Variants in KPNA7 observed in about 807,000 individuals in gnomAD.
KPNA7 encodes karyopherin subunit alpha 7.
In KPNA7, 54 loss-of-function variants were observed where a neutral mutation model predicts 53.7. The ratio of observed to expected loss-of-function variants is 1.01; its 90% CI spans 0.81 to 1.26. The LOEUF (loss-of-function observed/expected upper bound fraction) is 1.26. Ranked by LOEUF, KPNA7 falls within the 50% of genes most tolerant of loss-of-function variation. KPNA7 has a pLI of 0.00. For synonymous variants in KPNA7, 276 were observed against 259.3 expected (o/e 1.06, Z -0.62); for missense variants, 640 against 644.5 (o/e 0.99, Z 0.07).
the KPNA7 span, among the ~76,000 whole-genome samples, chr7:99,162,454 C>T: frequency 1.3e-5 from 2 of 152,160 alleles, no homozygotes; most frequent in Non-Finnish European, 2.9e-5. Context: ...TTCACACCTT[C>T]CTTCCTCTTT....
At position 99,202,845 on chromosome 7, in the gene KPNA7, AAAAAAT is replaced by A. The variant is rs762614911; in HGVS notation, c.201+255_201+260del. ...TGGGTGACAGAGTGAGACCTGTCTC[AAAAAAT>A]AAAAATAAAAAGTATAATAAAAATC... On this transcript the variant is annotated intron_variant, in intron 3 of 10. Coordinates refer to ENST00000327442, the MANE Select transcript of KPNA7 (RefSeq NM_001145715.3). Among the ~76,000 whole-genome samples the A allele has an allele frequency of 4.6e-5, 7 of 151,756 alleles. No individual in the cohort carries two copies. The East Asian group carries it at 5.8e-4, about 13-fold the overall frequency.
chr7:99,218,065 T>G (rs1791257761), intron 1 of KPNA7, among the ~76,000 whole-genome samples: 2 of 152,096 alleles, frequency 1.3e-5, no homozygotes, highest in Admixed American at 6.6e-5. Context: ...GTTGAAGTGA[T>G]CTCGGCTCAC....
chr7:99,178,231 A>T (rs1798995009), intron 9 of KPNA7, among the ~76,000 whole-genome samples, 165 bp from the exon 10 acceptor site: 1 of 152,136 alleles, frequency 6.6e-6, no homozygotes, highest in Non-Finnish European at 1.5e-5. Flanking sequence ...TGAAAATTAC[A>T]TGATCTTCCT....
intron 9 of KPNA7, among the ~76,000 whole-genome samples, chr7:99,179,732 G>A (rs1158558359): frequency 7.0e-6 from 1 of 143,164 alleles, no homozygotes; most frequent in Non-Finnish European, 1.6e-5. Flanking sequence ...TTACAGGCAT[G>A]AGCCACCATG....
the KPNA7 span, among the ~76,000 whole-genome samples, chr7:99,156,338 C>G: frequency 6.6e-6 from 1 of 152,150 alleles, no homozygotes; most frequent in Non-Finnish European, 1.5e-5. Flanking sequence ...AAAGAGAAAT[C>G]TGATGCCAGT....
chr7:99,218,602 C>A (rs1791270094), intron 1 of KPNA7, among the ~76,000 whole-genome samples: 1 of 152,204 alleles, frequency 6.6e-6, no homozygotes, highest in Non-Finnish European at 1.5e-5. Flanking sequence ...CAGACCCCTG[C>A]ACCTACCACT....
chr7:99,165,297 C>G, the KPNA7 span, among the ~76,000 whole-genome samples: 1 of 95,076 alleles, frequency 1.1e-5, no homozygotes, highest in Non-Finnish European at 2.4e-5. Context: ...GAGGCCTTGC[C>G]TTTTTAAAAA....
chr7:99,146,873 A>G, the KPNA7 span, among the ~76,000 whole-genome samples: 3 of 152,122 alleles, frequency 2.0e-5, no homozygotes, highest in Admixed American at 6.6e-5. Flanking sequence ...CACAAAGCCT[A>G]TTTTACGATA....
chr7:99,199,073 A>T (rs200600684), intron 3 of KPNA7, among the ~76,000 whole-genome samples: 10,568 of 148,058 alleles, frequency 0.071, 488 homozygotes, highest in South Asian at 0.13. Context: ...CTGAAAAAAA[A>T]AAAAAAAAAA....
intron 3 of KPNA7, among the ~76,000 whole-genome samples, chr7:99,199,598 G>A (rs900582394): frequency 1.3e-5 from 2 of 151,956 alleles, no homozygotes; most frequent in East Asian, 1.9e-4. Context: ...AACTCCAAAC[G>A]GCTCAAAGGC....
intron 9 of KPNA7, among the ~76,000 whole-genome samples, chr7:99,179,063 C>CA (rs1799044877): frequency 6.6e-6 from 1 of 152,092 alleles, no homozygotes. Context: ...AAGCATGAGC[C>CA]AATGCACTTG....
the KPNA7 span, among the ~76,000 whole-genome samples, chr7:99,161,268 T>TCTCTCTCTCTCTCTCCCC: frequency 2.8e-4 from 34 of 123,082 alleles, no homozygotes; most frequent in African/African-American, 1.1e-3. Flanking sequence ...TCTCTCTCTC[T>TCTCTCTCTCTCTCTCCCC]CTGATCACTT....
At chr7:99,213,589 ACAAGCTACCACACTT>A (rs1425522184) in intron 1 of KPNA7, among the ~76,000 whole-genome samples, 2 of 151,958 alleles carry the variant, frequency 1.3e-5, no homozygotes, top group African/African-American at 4.8e-5. Context: ...GACCACAGGA[ACAAGCTACCACACTT>A]CACTAATTTT....
downstream of KPNA7, among the ~76,000 whole-genome samples, chr7:99,171,475 T>A (rs1361828858): frequency 6.6e-6 from 1 of 152,142 alleles, no homozygotes; most frequent in East Asian, 1.9e-4. Flanking sequence ...GGGGTCTCAC[T>A]TCATAGCCCA....
At chr7:99,164,828 T>G in the KPNA7 span, among the ~76,000 whole-genome samples, 11 of 152,142 alleles carry the variant, frequency 7.2e-5, no homozygotes, top group Non-Finnish European at 1.6e-4. Flanking sequence ...CCGGGTGTGG[T>G]GGCTCACGCC....
chr7:99,165,782 A>G, the KPNA7 span, among the ~76,000 whole-genome samples: 103,590 of 152,048 alleles, frequency 0.68, 36,244 homozygotes, highest in East Asian at 0.9. Flanking sequence ...TCCAGGCTGG[A>G]CTTGAACTCC....
chr7:99,199,685 T>C (rs916657304), intron 3 of KPNA7, among the ~76,000 whole-genome samples: 6 of 152,136 alleles, frequency 3.9e-5, no homozygotes, highest in African/African-American at 1.4e-4. Context: ...GATTAGGCAA[T>C]GAATTTTTAG....
At chr7:99,210,965 T>C (rs1791053936), upstream of KPNA7, among the ~76,000 whole-genome samples, 1 of 150,388 alleles carries the variant, frequency 6.6e-6, no homozygotes, top group Non-Finnish European at 1.5e-5. Flanking sequence ...CCATACGAGA[T>C]GGTCCAGACT....
At chr7:99,199,162 C>T (rs908069662) in intron 3 of KPNA7, among the ~76,000 whole-genome samples, 4 of 150,858 alleles carry the variant, frequency 2.7e-5, no homozygotes, top group Non-Finnish European at 1.5e-5. Context: ...ATACTCCAAC[C>T]TTATAAATTC....
Sources: allele counts gnomAD v4.1 joint callset (sites outside exome capture counted in the v4.1 genomes callset), GRCh38; gene constraint gnomAD v4.1.1; transcripts MANE v1.5; gene names NCBI Gene and HGNC (gene_info 2026-07-23, HGNC 2026-07-21).